The following ZHX2 variants were observed in gnomAD, a reference collection of about 807,000 sequenced individuals.
ZHX2 encodes the protein zinc fingers and homeoboxes 2.
ZHX2 carries 6 observed loss-of-function variants against 21.9 expected under a neutral mutation model. The ratio of observed to expected loss-of-function variants is 0.27; its 90% CI spans 0.15 to 0.54. ZHX2 has a LOEUF of 0.54. Ranked by LOEUF, ZHX2 falls within the 20% of genes least tolerant of loss-of-function variation. The probability of loss-of-function intolerance (pLI) is 0.95; values close to 1 mark genes in which losing one functional copy is unlikely to be tolerated. For missense variants in ZHX2, 908 were observed against 1,090.7 expected (o/e 0.83, Z 2.36); for synonymous variants, 434 against 437.1 (o/e 0.99, Z 0.09).
At chr8:122,820,708 A>G (rs1261052530) in intron 1 of ZHX2, among the ~76,000 whole-genome samples, 4 of 152,176 alleles carry the variant, frequency 2.6e-5, no homozygotes, top group African/African-American at 9.7e-5. Flanking sequence ...CTGAATAAGA[A>G]TGGAAGGAAA....
chr8:122,837,804 T>C (rs1375490006), intron 1 of ZHX2, among the ~76,000 whole-genome samples: 3 of 152,218 alleles, frequency 2.0e-5, no homozygotes, highest in South Asian at 4.1e-4. Flanking sequence ...TCTTTGTCGG[T>C]GCTTAATGGC....
chr8:122,940,876 G>A (rs1812825109), intron 2 of ZHX2, among the ~76,000 whole-genome samples: 2 of 152,226 alleles, frequency 1.3e-5, no homozygotes, highest in South Asian at 4.1e-4. Flanking sequence ...CTGAGCCTCA[G>A]TTTCCTCATC....
intron 1 of ZHX2, among the ~76,000 whole-genome samples, chr8:122,852,294 G>A (rs1330804732): frequency 6.6e-6 from 1 of 152,230 alleles, no homozygotes; most frequent in Non-Finnish European, 1.5e-5. Flanking sequence ...TTTATTCCCA[G>A]CTCTATCACT....
chr8:122,785,098 T>C (rs779316492), intron 1 of ZHX2, among the ~76,000 whole-genome samples: 1 of 152,164 alleles, frequency 6.6e-6, no homozygotes, highest in Non-Finnish European at 1.5e-5. Context: ...AACTAACCAC[T>C]GTGGAAGCAC....
chr8:122,917,619 G>A (rs1192031487), intron 2 of ZHX2, among the ~76,000 whole-genome samples: 2 of 152,188 alleles, frequency 1.3e-5, no homozygotes, highest in South Asian at 2.1e-4. Context: ...ATGAAGATCA[G>A]GCATAAGGCC....
Position 122,952,660 on chromosome 8 carries a change from G to C in ZHX2, c.1150G>C (p.Gly384Arg), listed in dbSNP as rs201080427. Residue 384 changes from glycine (G) to arginine (R), a missense_variant, in exon 3 of 4, where the codon GGG becomes CGG. Physicochemically the swap from Gly to Arg is moderately radical, Grantham distance 125 (BLOSUM62 -2). Around this residue, in one of 4 missense-constraint regions of ZHX2, gnomAD observed 232 missense variants for 361.8 expected, o/e 0.64. Transcript: ENST00000314393. The surrounding 1 kb of genome is among the most constrained non-coding windows in gnomAD (Gnocchi z 6.9). ...TSLVLTQVTS[G>R]STTVSCSPIT... The stretch of plus-strand genomic sequence containing the variant: ...CCTGGTGCTGACTCAGGTGACCAGC[G>C]GGTCAACAACCGTCTCTTGCTCCCC... 15 of 1,614,076 alleles carry C rather than the reference G, an allele frequency of 9.3e-6. No individual in the cohort carries two copies. The South Asian group carries it at 1.3e-4, about 14-fold the overall frequency.
At chr8:122,876,816 GAGA>G (rs1819585593) in intron 2 of ZHX2, among the ~76,000 whole-genome samples, 1 of 152,184 alleles carries the variant, frequency 6.6e-6, no homozygotes. Flanking sequence ...GCACCAGGGT[GAGA>G]AGAAGCCCAT....
intron 2 of ZHX2, among the ~76,000 whole-genome samples, chr8:122,939,771 G>C (rs914622401): frequency 9.2e-5 from 14 of 152,226 alleles, no homozygotes; most frequent in Non-Finnish European, 2.9e-5. Context: ...AAAAATCTCA[G>C]AGCGGCATGA....
intron 3 of ZHX2, among the ~76,000 whole-genome samples, chr8:122,960,283 A>C (rs1465805837): frequency 6.6e-6 from 1 of 152,148 alleles, no homozygotes; most frequent in Non-Finnish European, 1.5e-5. Context: ...TCATACCTGT[A>C]ATCCCAGCAC....
At chr8:122,870,516 G>C (rs1364575867) in intron 2 of ZHX2, among the ~76,000 whole-genome samples, 2 of 151,646 alleles carry the variant, frequency 1.3e-5, no homozygotes, top group Admixed American at 1.3e-4. Context: ...ACAGGTGCCT[G>C]TAATCCCAGC....
chr8:122,797,148 A>G (rs943708998), intron 1 of ZHX2, among the ~76,000 whole-genome samples: 20 of 152,294 alleles, frequency 1.3e-4, no homozygotes, highest in African/African-American at 4.8e-4. Flanking sequence ...GTAAACCCCA[A>G]TATCCCAGTG....
intron 3 of ZHX2, among the ~76,000 whole-genome samples, chr8:122,957,893 AT>A (rs916922400): frequency 1.4e-4 from 21 of 152,282 alleles, no homozygotes; most frequent in African/African-American, 5.1e-4. Flanking sequence ...GGGAAAAAAA[AT>A]CTCTCCAAAT....
Position 122,972,083 on chromosome 8 carries a change from A to G in ZHX2, c.*5-1159A>G, listed in dbSNP as rs569249472. ...GCCCAATATCTGCCTCAATCATCGCATGGTCTCTTCCCTGTGTGTGAGTCT... is the reference window on the plus strand; with the variant it reads ...GCCCAATATCTGCCTCAATCATCGCGTGGTCTCTTCCCTGTGTGTGAGTCT... On this transcript the variant is annotated intron_variant, in intron 3 of 3. Coordinates refer to ENST00000314393, the MANE Select transcript of ZHX2 (RefSeq NM_014943.5). Among the ~76,000 whole-genome samples, 326 of 152,136 alleles carry G rather than the reference A, an allele frequency of 2.1e-3. 1 individual carries two copies. The highest frequency in any genetic ancestry group is 3.4e-3 in the Non-Finnish European group (234 of 67,998).
chr8:122,804,583 G>C (rs1817788566), intron 1 of ZHX2, among the ~76,000 whole-genome samples: 1 of 152,214 alleles, frequency 6.6e-6, no homozygotes, highest in Non-Finnish European at 1.5e-5. Context: ...TGTAGTGAAA[G>C]AATTGCTAGG....
intron 2 of ZHX2, among the ~76,000 whole-genome samples, chr8:122,886,657 T>G (rs1439690033): frequency 1.3e-5 from 2 of 152,240 alleles, no homozygotes; most frequent in Admixed American, 1.3e-4. Context: ...GCGTATTAAT[T>G]TTTGTTTAAA....
intron 3 of ZHX2, among the ~76,000 whole-genome samples, chr8:122,955,080 G>A (rs1333628596): frequency 7.0e-6 from 1 of 143,734 alleles, no homozygotes; most frequent in Non-Finnish European, 1.5e-5. Flanking sequence ...GGGGGGGGGG[G>A]GGTGGCAGGG....
chr8:122,785,194 AG>A (rs1206351420), intron 1 of ZHX2, among the ~76,000 whole-genome samples: 1 of 152,260 alleles, frequency 6.6e-6, no homozygotes, highest in Non-Finnish European at 1.5e-5. Context: ...ATGAATGAAG[AG>A]GAACAATGTC....
At position 122,906,832 on chromosome 8, in the gene ZHX2, G is replaced by A. The variant is rs532281283; in HGVS notation, c.-220+43293G>A. On this transcript the variant is annotated intron_variant, in intron 2 of 3. Coordinates refer to ENST00000314393, the MANE Select transcript of ZHX2 (RefSeq NM_014943.5). ...ATTACAGGCGCACACCACCACGCCC[G>A]GGTAATTTTTGTATTTTTAGTAGAG... 5.3e-5 allele frequency among the ~76,000 whole-genome samples: 8 copies of A among 151,774 alleles called. No individual in the cohort carries two copies. In the East Asian group the frequency reaches 7.8e-4, roughly 15 times the overall value.
At chr8:122,930,529 G>C (rs1400312147) in intron 2 of ZHX2, among the ~76,000 whole-genome samples, 1 of 150,524 alleles carries the variant, frequency 6.6e-6, no homozygotes, top group African/African-American at 2.4e-5. Context: ...CCCACCTTTT[G>C]GTGCATCCCA....
Sources: allele counts gnomAD v4.1 joint callset (sites outside exome capture counted in the v4.1 genomes callset), GRCh38; gene constraint gnomAD v4.1.1; regional missense constraint gnomAD v4.1.1; non-coding constraint Gnocchi (gnomAD v3.1); transcripts MANE v1.5; gene names NCBI Gene and HGNC (gene_info 2026-07-23, HGNC 2026-07-21).